GABRB2: variants seen among roughly 807,000 people sequenced by gnomAD.
GABRB2 encodes gamma-aminobutyric acid receptor subunit beta-2.
A neutral mutation model predicts 54.7 loss-of-function variants in GABRB2; 16 were observed. The observed-to-expected ratio is 0.29, with a 90% CI of 0.20 to 0.44. The LOEUF is 0.44. GABRB2 is among the 20% of genes least tolerant of loss of function. The pLI is 1.00. For synonymous variants in GABRB2, 244 were observed against 233.8 expected, an observed-to-expected ratio of 1.04 and a Z score of -0.40; for missense variants, 355 against 644.0, an observed-to-expected ratio of 0.55 and a Z score of 4.86.
intron 3 of GABRB2, among the ~76,000 whole-genome samples, chr5:161,489,187 GAGA>G: frequency 6.6e-6 from 1 of 151,768 alleles, no homozygotes; most frequent in East Asian, 1.9e-4. Flanking sequence ...CTTCCCTACA[GAGA>G]AGATCAGCCT....
At chr5:161,424,509 T>C (rs76273507) in intron 4 of GABRB2, among the ~76,000 whole-genome samples, 6,195 of 152,220 alleles carry the variant, frequency 0.041, 161 homozygotes, top group Middle Eastern at 0.075. Context: ...AAAGCCAGGA[T>C]AATAGCACAT....
intron 5 of GABRB2, among the ~76,000 whole-genome samples, chr5:161,392,151 C>T (rs1755843426): frequency 6.6e-6 from 1 of 152,092 alleles, no homozygotes; most frequent in Non-Finnish European, 1.5e-5. Context: ...CTCATCATGG[C>T]CTCTGTGTTC....
At chr5:161,414,249 T>C (rs946569028) in intron 4 of GABRB2, among the ~76,000 whole-genome samples, 1 of 152,208 alleles carries the variant, frequency 6.6e-6, no homozygotes, top group Non-Finnish European at 1.5e-5. Flanking sequence ...CAAGTCATTG[T>C]ATTCTCTGAC....
chr5:161,434,069 C>T (rs182377350), intron 4 of GABRB2, among the ~76,000 whole-genome samples: 9 of 152,142 alleles, frequency 5.9e-5, no homozygotes, highest in Non-Finnish European at 1.2e-4. Flanking sequence ...AGAAAAAGCA[C>T]CATGGAAGGA....
chr5:161,499,976 C>T (rs1192933312), intron 3 of GABRB2, among the ~76,000 whole-genome samples: 1 of 152,078 alleles, frequency 6.6e-6, no homozygotes, highest in Non-Finnish European at 1.5e-5. Flanking sequence ...AAAAAGAAGT[C>T]ATTCAAAAAC....
chr5:161,423,340 C>T (rs950312434), intron 4 of GABRB2, among the ~76,000 whole-genome samples: 5 of 152,202 alleles, frequency 3.3e-5, no homozygotes, highest in Admixed American at 6.5e-5. Context: ...CTTTATTGCA[C>T]CTTGCAGACA....
intron 3 of GABRB2, among the ~76,000 whole-genome samples, chr5:161,513,857 C>A (rs1759854781): frequency 6.6e-6 from 1 of 152,084 alleles, no homozygotes; most frequent in African/African-American, 2.4e-5. Context: ...CCACAACTGA[C>A]AGTTAATAGA....
At chr5:161,377,319 G>A (rs1755335862) in intron 5 of GABRB2, among the ~76,000 whole-genome samples, 1 of 152,016 alleles carries the variant, frequency 6.6e-6, no homozygotes, top group Non-Finnish European at 1.5e-5. Context: ...TCTTGAATCT[G>A]CCTCCCTAAA....
At chr5:161,397,413 G>C (rs904648396) in intron 5 of GABRB2, among the ~76,000 whole-genome samples, 1 of 152,112 alleles carries the variant, frequency 6.6e-6, no homozygotes, top group African/African-American at 2.4e-5. Context: ...CTTTATGTAA[G>C]TGTTTTAAGT....
chr5:161,306,389 T>C (rs1387343525), intron 9 of GABRB2, among the ~76,000 whole-genome samples: 2 of 152,244 alleles, frequency 1.3e-5, no homozygotes, highest in Non-Finnish European at 2.9e-5. Context: ...ATCTGGACTA[T>C]AAAAATTTCT....
chr5:161,300,208 A>C (rs541308991), intron 9 of GABRB2, among the ~76,000 whole-genome samples: 1 of 152,340 alleles, frequency 6.6e-6, no homozygotes, highest in South Asian at 2.1e-4. Flanking sequence ...ACTACCCGTA[A>C]GTTTATTGAA....
intron 9 of GABRB2, among the ~76,000 whole-genome samples, chr5:161,309,632 ATTT>A (rs35978513): frequency 7.6e-5 from 11 of 145,618 alleles, no homozygotes; most frequent in Admixed American, 1.4e-4. Context: ...GATAGACTAA[ATTT>A]TTTTTTTTTT....
At chr5:161,447,156 A>C (rs1292649939) in intron 4 of GABRB2, among the ~76,000 whole-genome samples, 3 of 152,120 alleles carry the variant, frequency 2.0e-5, no homozygotes, top group African/African-American at 7.2e-5. Flanking sequence ...ACAAGATAGG[A>C]ACTATTAAGC....
intron 5 of GABRB2, among the ~76,000 whole-genome samples, chr5:161,398,722 G>A (rs6865797): frequency 0.024 from 3,639 of 151,476 alleles, 145 homozygotes; most frequent in African/African-American, 0.083. Context: ...ACAGAGTCTC[G>A]CTCTGTTGCC....
At chr5:161,394,889 G>A (rs1755948893) in intron 5 of GABRB2, among the ~76,000 whole-genome samples, 1 of 151,950 alleles carries the variant, frequency 6.6e-6, no homozygotes, top group South Asian at 2.1e-4. Flanking sequence ...TCCTAAAAAG[G>A]CATTTCCAAA....
chr5:161,354,511 C>T (rs1419504244), intron 5 of GABRB2, among the ~76,000 whole-genome samples: 1 of 151,962 alleles, frequency 6.6e-6, no homozygotes, highest in Non-Finnish European at 1.5e-5. Context: ...ATATATTCAT[C>T]GAATTCTCCT....
intron 3 of GABRB2, among the ~76,000 whole-genome samples, chr5:161,511,228 T>C (rs1324532207): frequency 1.3e-5 from 2 of 151,952 alleles, no homozygotes; most frequent in African/African-American, 4.8e-5. Flanking sequence ...AGATCAAAGT[T>C]CCTAAATAAT....
chr5:161,336,814 C>CAAAAAAAAAAAAAAAAAAAAAAACA, intron 5 of GABRB2, 45 bp from the exon 6 acceptor site: 1 of 1,105,798 alleles, frequency 9.0e-7, no homozygotes, highest in Non-Finnish European at 1.2e-6. Flanking sequence ...ATACAGAAAA[C>CAAAAAAAAAAAAAAAAAAAAAAACA]AAAAAAAAAA....
chr5:161,374,052 TCC>T (rs1227431635), intron 5 of GABRB2, among the ~76,000 whole-genome samples: 2 of 152,196 alleles, frequency 1.3e-5, no homozygotes, highest in African/African-American at 4.8e-5. Flanking sequence ...AAAGCAATTG[TCC>T]TGCCTCAGCT....
Sources: allele counts gnomAD v4.1 joint callset (sites outside exome capture counted in the v4.1 genomes callset), GRCh38; gene constraint gnomAD v4.1.1; transcripts MANE v1.5; gene names NCBI Gene and HGNC (gene_info 2026-07-23, HGNC 2026-07-21).